USP33: variants seen among roughly 807,000 people sequenced by gnomAD.
USP33 encodes ubiquitin specific peptidase 33.
In USP33, 46 loss-of-function variants were observed where a neutral mutation model predicts 124.2. That is an observed-to-expected ratio of 0.37 (90% CI 0.29 to 0.47). The LOEUF (loss-of-function observed/expected upper bound fraction) is 0.47. Ranked by LOEUF, USP33 falls within the 20% of genes least tolerant of loss-of-function variation. The probability of loss-of-function intolerance (pLI) is 0.99; values close to 1 mark genes in which losing one functional copy is unlikely to be tolerated. For synonymous variants in USP33, 350 were observed against 352.3 expected (o/e 0.99, Z 0.07); for missense variants, 851 against 1,070.6 (o/e 0.79, Z 2.86).
chr1:77,745,817 TG>T (rs1679685449), intron 1 of USP33, among the ~76,000 whole-genome samples: 1 of 152,222 alleles, frequency 6.6e-6, no homozygotes, highest in South Asian at 2.1e-4. Context: ...CAAATAAAGA[TG>T]TTCTTTGAAA....
intron 18 of USP33, 196 bp from the exon 19 acceptor site, chr1:77,714,979 C>A: frequency 1.9e-6 from 1 of 523,362 alleles, no homozygotes; most frequent in Non-Finnish European, 3.3e-6. Flanking sequence ...ATCTTACCTA[C>A]AGGTATCCAC....
chr1:77,754,373 G>A (rs941131748), intron 1 of USP33, among the ~76,000 whole-genome samples: 3 of 152,070 alleles, frequency 2.0e-5, no homozygotes, highest in Non-Finnish European at 4.4e-5. Context: ...GAAGAAAATT[G>A]CTACCCAATA....
At chr1:77,758,391 C>T (rs1031472269) in intron 1 of USP33, among the ~76,000 whole-genome samples, 2 of 152,058 alleles carry the variant, frequency 1.3e-5, no homozygotes, top group Admixed American at 6.5e-5. Context: ...CCGTATTACC[C>T]AGGATGGTCT....
Position 77,730,702 on chromosome 1 carries a change from C to T in USP33, c.554G>A (p.Cys185Tyr). ...CTTATCTGTTCGAGCTAGTCCTCCA[C>T]AATCAAGAAAAAACTGTGTCAAAGG... ...CPPLTQFFLD[C>Y]GGLARTDKKP... Residue 185 changes from cysteine to tyrosine, a missense_variant, in exon 8 of 24, where the codon TGT (cysteine) becomes TAT (tyrosine). Physicochemically the swap from Cys to Tyr is radical, Grantham distance 194. Around this residue, in one of 4 missense-constraint regions of USP33, gnomAD observed 221 missense variants for 302.9 expected, o/e 0.73. Coordinates refer to ENST00000370794, the MANE Select transcript of USP33 (RefSeq NM_201624.3). The T allele has an allele frequency of 6.3e-7, 1 of 1,578,876 alleles. No homozygotes were observed. The highest frequency in any genetic ancestry group is 8.6e-7 in the Non-Finnish European group (1 of 1,162,204).
At chr1:77,745,097 G>C (rs948504784) in intron 1 of USP33, among the ~76,000 whole-genome samples, 1 of 152,158 alleles carries the variant, frequency 6.6e-6, no homozygotes, top group Non-Finnish European at 1.5e-5. Context: ...CTTTATGAAT[G>C]TGGGTGCTCC....
intron 21 of USP33, among the ~76,000 whole-genome samples, chr1:77,704,856 C>T (rs1674437826): frequency 6.6e-6 from 1 of 152,166 alleles, no homozygotes; most frequent in African/African-American, 2.4e-5. Context: ...ACATGGTCTA[C>T]ACTCACTGCT....
chr1:77,724,622 G>C (rs1033076025), intron 11 of USP33, among the ~76,000 whole-genome samples: 4 of 151,974 alleles, frequency 2.6e-5, no homozygotes, highest in Non-Finnish European at 5.9e-5. Context: ...CCACTTCTAG[G>C]TATTTGTCCT....
At chr1:77,731,871 A>T (rs1337789270) in intron 7 of USP33, among the ~76,000 whole-genome samples, 7 of 152,176 alleles carry the variant, frequency 4.6e-5, no homozygotes, top group African/African-American at 1.4e-4. Flanking sequence ...TGGGAGGCCA[A>T]GGCAGGACAT....
In USP33 at chr1:77,714,726, T is replaced by G. The variant is rs779207338; in HGVS notation, c.2103A>C (p.Ile701=). 1 of 1,612,866 alleles carries G rather than the reference T, an allele frequency of 6.2e-7. No homozygotes were observed. ...AAAACTGAAGGAGGCTTGGTTCCAT[T>G]ATGTTCAATAAATTTGATATCCTTC... ...ERRRISNLLN[I]MEPSLLQFYI... Residue 701 remains isoleucine (I), a synonymous_variant, in exon 19 of 24, where the codon ATA becomes ATC. Coordinates refer to ENST00000370794, the MANE Select transcript of USP33 (RefSeq NM_201624.3).
chr1:77,739,195 G>GC, intron 5 of USP33, 70 bp downstream of exon 5: 1 of 1,527,040 alleles, frequency 6.5e-7, no homozygotes, highest in Non-Finnish European at 8.8e-7. Flanking sequence ...GAAAATTTCA[G>GC]CTACATGACA....
chr1:77,734,224 T>G (rs555362053), intron 7 of USP33, 123 bp downstream of exon 7: 1 of 742,106 alleles, frequency 1.3e-6, no homozygotes, highest in South Asian at 1.7e-5. Context: ...ATGGGTTATG[T>G]CCCAAACCAG....
Position 77,728,288 on chromosome 1 carries a change from T to A in USP33, c.1135+7A>T. 6.4e-7 allele frequency: 1 copy of A among 1,558,896 alleles called. No individual in the cohort carries two copies. Among genetic ancestry groups the A allele is most frequent in the South Asian group, 1.2e-5 (1 of 81,140 alleles). ...TCATTTTCATGAACAAACTACTAAA[T>A]TGTCACCTGAAGCTCTGCTGTGTAT... On this transcript the variant is annotated splice_region_variant and intron_variant, in intron 10 of 23. Transcript: ENST00000370794.
chr1:77,735,646 A>T (rs1678355521), intron 6 of USP33, among the ~76,000 whole-genome samples: 1 of 152,170 alleles, frequency 6.6e-6, no homozygotes, highest in South Asian at 2.1e-4. Flanking sequence ...ATCCAAATAG[A>T]CCGGTTCTCA....
At chr1:77,708,874 T>C (rs1352758302) in intron 21 of USP33, among the ~76,000 whole-genome samples, 3 of 152,062 alleles carry the variant, frequency 2.0e-5, no homozygotes, top group Non-Finnish European at 2.9e-5. Context: ...TTTTAAGATA[T>C]AAAGTCTCGC....
intron 1 of USP33, among the ~76,000 whole-genome samples, chr1:77,751,849 C>T (rs1470854689): frequency 6.6e-6 from 1 of 151,980 alleles, no homozygotes; most frequent in Non-Finnish European, 1.5e-5. Context: ...CCATCACACC[C>T]AGCTAATTTT....
chr1:77,749,536 C>T (rs1317669018), intron 1 of USP33, among the ~76,000 whole-genome samples: 1 of 152,028 alleles, frequency 6.6e-6, no homozygotes, highest in Non-Finnish European at 1.5e-5. Flanking sequence ...CGTGTGCCAC[C>T]ACGACTGGCT....
intron 10 of USP33, among the ~76,000 whole-genome samples, chr1:77,727,199 A>G (rs1288939287): frequency 6.6e-6 from 1 of 152,194 alleles, no homozygotes; most frequent in African/African-American, 2.4e-5. Context: ...GAAGTGTTTT[A>G]GGTTTGTGTG....
chr1:77,718,546 C>T, intron 16 of USP33, 50 bp downstream of exon 16: 5 of 1,392,302 alleles, frequency 3.6e-6, no homozygotes, highest in Non-Finnish European at 5.0e-6. Context: ...TACATTAATA[C>T]TTTATGTTCC....
chr1:77,741,727 G>C lies in USP33; in HGVS notation c.-30C>G. On this transcript the variant is annotated 5_prime_UTR_variant, in exon 2 of 24. Coordinates refer to ENST00000370794, the MANE Select transcript of USP33 (RefSeq NM_201624.3). Reference sequence around the variant, plus strand: ...TTAGGAATTTTTTCCTGTTTCCCAAGACTTTCAAAATGAGGTAACACCTAT... The same window carrying C: ...TTAGGAATTTTTTCCTGTTTCCCAACACTTTCAAAATGAGGTAACACCTAT... The C allele has an allele frequency of 1.9e-6, 3 of 1,602,400 alleles. No homozygotes were observed. Among genetic ancestry groups the C allele is most frequent in the South Asian group, 2.3e-5 (2 of 87,904 alleles).
Sources: allele counts gnomAD v4.1 joint callset (sites outside exome capture counted in the v4.1 genomes callset), GRCh38; gene constraint gnomAD v4.1.1; regional missense constraint gnomAD v4.1.1; transcripts MANE v1.5; gene names NCBI Gene and HGNC (gene_info 2026-07-23, HGNC 2026-07-21).